Variants in CDH13 observed in about 807,000 individuals in gnomAD.
CDH13 encodes the protein cadherin 13.
In CDH13, 24 loss-of-function variants were observed where a neutral mutation model predicts 63.8. The ratio of observed to expected loss-of-function variants is 0.38; its 90% CI spans 0.27 to 0.53. CDH13 has a LOEUF of 0.53. Ranked by LOEUF, CDH13 falls within the 20% of genes least tolerant of loss-of-function variation. CDH13 has a pLI of 0.85. For missense variants in CDH13, 1,049 were observed against 903.1 expected (o/e 1.16, Z -2.07); for synonymous variants, 503 against 355.3 (o/e 1.42, Z -4.67).
intron 3 of CDH13, among the ~76,000 whole-genome samples, chr16:83,109,335 C>T (rs2034949803): frequency 6.6e-6 from 1 of 152,096 alleles, no homozygotes; most frequent in Non-Finnish European, 1.5e-5. Flanking sequence ...ATGTGAGTGT[C>T]TAACCCCTCA....
chr16:82,815,247 G>A (rs184167900), intron 1 of CDH13, among the ~76,000 whole-genome samples: 14 of 152,158 alleles, frequency 9.2e-5, no homozygotes, highest in Admixed American at 2.0e-4. Flanking sequence ...CAGAGACCCC[G>A]AATGAGGGCC....
chr16:83,061,406 C>T (rs556765908), intron 3 of CDH13, among the ~76,000 whole-genome samples: 1 of 152,288 alleles, frequency 6.6e-6, no homozygotes, highest in African/African-American at 2.4e-5. Flanking sequence ...AATCCTCTTT[C>T]CAAAATAGTT....
chr16:82,653,140 T>A (rs920619587), intron 1 of CDH13, among the ~76,000 whole-genome samples: 2 of 152,164 alleles, frequency 1.3e-5, no homozygotes, highest in African/African-American at 4.8e-5. Flanking sequence ...TTACCTTTGA[T>A]AGATACTTAT....
At chr16:82,747,421 GA>G (rs764184077) in intron 1 of CDH13, among the ~76,000 whole-genome samples, 8 of 151,556 alleles carry the variant, frequency 5.3e-5, no homozygotes, top group Non-Finnish European at 8.8e-5. Flanking sequence ...AGGTATAAAT[GA>G]AAGGTCTGGA....
intron 5 of CDH13, among the ~76,000 whole-genome samples, chr16:83,322,309 T>G (rs1232955097): frequency 6.6e-6 from 1 of 152,162 alleles, no homozygotes; most frequent in Non-Finnish European, 1.5e-5. Flanking sequence ...CACCCTGCAG[T>G]GAGACCATTG....
intron 6 of CDH13, among the ~76,000 whole-genome samples, chr16:83,425,349 G>A (rs1042214594): frequency 2.4e-4 from 36 of 152,218 alleles, no homozygotes; most frequent in African/African-American, 8.7e-4. Flanking sequence ...TGAAGCAATC[G>A]AGGAAGGAGA....
chr16:83,796,166 GT>G lies in CDH13; in HGVS notation c.*1137del, dbSNP rs1196946462. ...ATGAAAAGTAACTGATTTGTATTCT[GT>G]GAGCATGTAAAAGCGGAAAGTTAGT... On this transcript the variant is annotated 3_prime_UTR_variant, in exon 14 of 14. Transcript: ENST00000567109. The G allele has an allele frequency of 6.6e-6, 1 of 152,502 alleles. No homozygotes were observed. Among genetic ancestry groups the G allele is most frequent in the Non-Finnish European group, 1.5e-5 (1 of 68,044 alleles). 9.4% of individuals were successfully genotyped at this position (152,502 alleles called of 1,614,324 possible).
At chr16:82,672,999 CTT>C (rs562942948) in intron 1 of CDH13, among the ~76,000 whole-genome samples, 40 of 81,266 alleles carry the variant, frequency 4.9e-4, no homozygotes, top group African/African-American at 7.0e-4. Context: ...ATAAAGTTTT[CTT>C]TTTTTTTTTT....
At chr16:82,898,524 C>A (rs1228171056) in intron 2 of CDH13, among the ~76,000 whole-genome samples, 1 of 152,058 alleles carries the variant, frequency 6.6e-6, no homozygotes, top group Non-Finnish European at 1.5e-5. Flanking sequence ...GACTCCATCT[C>A]AAAAAAATGA....
chr16:82,921,481 A>C (rs2042152491), intron 2 of CDH13, among the ~76,000 whole-genome samples: 1 of 152,200 alleles, frequency 6.6e-6, no homozygotes, highest in East Asian at 1.9e-4. Context: ...TTTAGGGACC[A>C]CCTGAATAAC....
intron 1 of CDH13, among the ~76,000 whole-genome samples, chr16:82,720,718 A>G (rs998349519): frequency 2.6e-5 from 4 of 152,022 alleles, no homozygotes; most frequent in African/African-American, 7.2e-5. Flanking sequence ...AACAACATTG[A>G]AGAAAACAGC....
At position 82,845,705 on chromosome 16, in the gene CDH13, C is replaced by A. The variant is rs962158926; in HGVS notation, c.46-12657C>A. On this transcript the variant is annotated intron_variant, in intron 1 of 13. Transcript: ENST00000567109. ...CACCCAAGAGTACCTCATATAGGGG[C>A]TCCTTTGTTTGACTTAAGGGAAACA... Among the ~76,000 whole-genome samples the A allele has an allele frequency of 1.2e-4, 19 of 152,116 alleles. 1 individual carries two copies. Among genetic ancestry groups the A allele is most frequent in the Admixed American group, 2.6e-4 (4 of 15,262 alleles).
chr16:82,702,070 G>C (rs551669065), intron 1 of CDH13, among the ~76,000 whole-genome samples: 1 of 152,206 alleles, frequency 6.6e-6, no homozygotes, highest in South Asian at 2.1e-4. Context: ...TTCCCACTTG[G>C]CCTTCTGTCC....
intron 5 of CDH13, among the ~76,000 whole-genome samples, chr16:83,236,829 C>T (rs2040158992): frequency 6.6e-6 from 1 of 151,984 alleles, no homozygotes; most frequent in Non-Finnish European, 1.5e-5. Context: ...GGAAGGAGGG[C>T]CTACTTATAG....
chr16:82,933,836 C>A (rs571524692), intron 2 of CDH13, among the ~76,000 whole-genome samples: 1 of 152,338 alleles, frequency 6.6e-6, no homozygotes, highest in East Asian at 1.9e-4. Flanking sequence ...AAATAATCTC[C>A]TTTGACTCTG....
At chr16:83,622,657 G>C (rs906506786) in intron 8 of CDH13, among the ~76,000 whole-genome samples, 5 of 152,172 alleles carry the variant, frequency 3.3e-5, no homozygotes, top group Non-Finnish European at 2.9e-5. Context: ...TCATTAATGA[G>C]GCTCATTTTT....
rs577413105 is a variant in CDH13, at chr16:83,062,102, GA to G, written c.366+29885del. 1.1e-3 allele frequency among the ~76,000 whole-genome samples: 173 copies of G among 152,314 alleles called. 1 individual carries two copies. The highest frequency in any genetic ancestry group is 6.8e-3 in the South Asian group (33 of 4,820). On this transcript the variant is annotated intron_variant, in intron 3 of 13. Coordinates refer to ENST00000567109, the MANE Select transcript of CDH13 (RefSeq NM_001257.5). Reference sequence around the variant, plus strand: ...GGAGTGCTGTGGCCTCTCTTGGATGGATGCTGTTTCTGAGCTTTGCATCTGG... The same window carrying G: ...GGAGTGCTGTGGCCTCTCTTGGATGGTGCTGTTTCTGAGCTTTGCATCTGG...
intron 2 of CDH13, among the ~76,000 whole-genome samples, chr16:82,961,572 T>TTAAAAAAAAAA (rs774564311): frequency 6.8e-5 from 7 of 103,382 alleles, no homozygotes; most frequent in African/African-American, 2.4e-4. Context: ...GCAGGGGACT[T>TTAAAAAAAAAA]AAAAAAAAAA....
At chr16:82,646,600 T>C (rs1910123522) in intron 1 of CDH13, among the ~76,000 whole-genome samples, 1 of 152,146 alleles carries the variant, frequency 6.6e-6, no homozygotes, top group Non-Finnish European at 1.5e-5. Flanking sequence ...GGTTGTAATA[T>C]GGTTAGAAGC....
Sources: allele counts gnomAD v4.1 joint callset (sites outside exome capture counted in the v4.1 genomes callset), GRCh38; gene constraint gnomAD v4.1.1; transcripts MANE v1.5; gene names NCBI Gene and HGNC (gene_info 2026-07-23, HGNC 2026-07-21).